ASIC2: variants seen among roughly 807,000 people sequenced by gnomAD.
The protein encoded by ASIC2 is acid sensing ion channel subunit 2.
ASIC2 carries 25 observed loss-of-function variants against 57.3 expected under a neutral mutation model. That is an observed-to-expected ratio of 0.44 (90% CI 0.32 to 0.61). The LOEUF (loss-of-function observed/expected upper bound fraction) is 0.61, where lower values mean the gene tolerates loss of function less well. Ranked by LOEUF, ASIC2 falls within the 20% of genes least tolerant of loss-of-function variation. The probability of loss-of-function intolerance (pLI) is 0.06; values close to 1 mark genes in which losing one functional copy is unlikely to be tolerated. For synonymous variants in ASIC2, 319 were observed against 307.5 expected (o/e 1.04, Z -0.39); for missense variants, 641 against 738.1 (o/e 0.87, Z 1.52).
chr17:33,489,531 C>G (rs1425334081), intron 1 of ASIC2, among the ~76,000 whole-genome samples: 2 of 152,320 alleles, frequency 1.3e-5, no homozygotes, highest in South Asian at 2.1e-4. Context: ...CCAGCCCCCA[C>G]CCAAGTCAGC....
intron 1 of ASIC2, among the ~76,000 whole-genome samples, chr17:33,873,113 T>A (rs1201266031): frequency 6.6e-6 from 1 of 152,210 alleles, no homozygotes; most frequent in African/African-American, 2.4e-5. Flanking sequence ...CTCTGCCTCA[T>A]CTTTCAGAGT....
At chr17:33,939,867 G>A (rs950310254) in intron 1 of ASIC2, among the ~76,000 whole-genome samples, 1 of 152,156 alleles carries the variant, frequency 6.6e-6, no homozygotes, top group African/African-American at 2.4e-5. Context: ...TTGTAAATAG[G>A]GCATTTGGGA....
At chr17:33,579,703 G>T (rs545528984) in intron 1 of ASIC2, among the ~76,000 whole-genome samples, 41 of 152,142 alleles carry the variant, frequency 2.7e-4, no homozygotes, top group Admixed American at 2.7e-3. Flanking sequence ...GACCTTCGCA[G>T]CCAGCGTTAC....
intron 1 of ASIC2, among the ~76,000 whole-genome samples, chr17:33,774,368 G>A (rs1023044175): frequency 3.3e-5 from 5 of 152,176 alleles, no homozygotes; most frequent in South Asian, 2.1e-4. Flanking sequence ...CTGAGGTCAT[G>A]TCTAGGCTCA....
At chr17:33,672,363 G>A (rs553876253) in intron 1 of ASIC2, among the ~76,000 whole-genome samples, 2 of 144,736 alleles carry the variant, frequency 1.4e-5, no homozygotes, top group Admixed American at 6.8e-5. Flanking sequence ...CCACACACAA[G>A]AGCTGAAATA....
chr17:34,024,882 A>C (rs1907317663), intron 1 of ASIC2, among the ~76,000 whole-genome samples: 1 of 152,222 alleles, frequency 6.6e-6, no homozygotes, highest in African/African-American at 2.4e-5. Flanking sequence ...TGAATGGTGT[A>C]AATGAGGCTG....
intron 1 of ASIC2, among the ~76,000 whole-genome samples, chr17:33,750,251 A>G (rs868587539): frequency 3.3e-5 from 5 of 152,248 alleles, no homozygotes; most frequent in Middle Eastern, 3.4e-3. Context: ...GCAGAAGACT[A>G]TCCAGGACCC....
At chr17:33,238,090 G>A (rs965319241) in intron 1 of ASIC2, among the ~76,000 whole-genome samples, 11 of 152,236 alleles carry the variant, frequency 7.2e-5, no homozygotes, top group Admixed American at 6.5e-4. Flanking sequence ...AAAGGCGGCT[G>A]TTGTTTTCAT....
chr17:33,966,107 C>A (rs1054499184), intron 1 of ASIC2, among the ~76,000 whole-genome samples: 1 of 152,176 alleles, frequency 6.6e-6, no homozygotes, highest in Non-Finnish European at 1.5e-5. Flanking sequence ...AGCAAATTAC[C>A]CACAATGAAC....
intron 1 of ASIC2, among the ~76,000 whole-genome samples, chr17:33,591,565 C>G (rs990612936): frequency 2.6e-5 from 4 of 152,152 alleles, no homozygotes; most frequent in African/African-American, 9.7e-5. Context: ...CTGGGCCATC[C>G]CCCCAGCTGC....
At chr17:33,817,267 G>C (rs1912611587) in intron 1 of ASIC2, among the ~76,000 whole-genome samples, 1 of 152,240 alleles carries the variant, frequency 6.6e-6, no homozygotes, top group African/African-American at 2.4e-5. Flanking sequence ...ACGTGCTTTT[G>C]ATGCTAGGTT....
chr17:33,528,748 T>C (rs528990218), intron 1 of ASIC2, among the ~76,000 whole-genome samples: 5 of 152,234 alleles, frequency 3.3e-5, no homozygotes, highest in Non-Finnish European at 7.3e-5. Flanking sequence ...CTCTTACTAT[T>C]AGAAACCATT....
intron 1 of ASIC2, among the ~76,000 whole-genome samples, chr17:33,412,783 G>A (rs1597719319): frequency 1.3e-5 from 2 of 152,256 alleles, no homozygotes; most frequent in East Asian, 3.9e-4. Context: ...CCCTATGATA[G>A]GTCCAAGGCC....
At chr17:33,101,152 T>A (rs2092210667) in intron 2 of ASIC2, among the ~76,000 whole-genome samples, 1 of 152,072 alleles carries the variant, frequency 6.6e-6, no homozygotes, top group Non-Finnish European at 1.5e-5. Flanking sequence ...TCTGGGGAGC[T>A]CCTTAGGACC....
intron 1 of ASIC2, among the ~76,000 whole-genome samples, chr17:33,350,776 T>A (rs1395171900): frequency 6.6e-6 from 1 of 151,422 alleles, no homozygotes; most frequent in African/African-American, 2.4e-5. Context: ...CTTCTATGAG[T>A]CACAGAAAAA....
At chr17:33,033,390 C>T (rs2091894023) in intron 3 of ASIC2, among the ~76,000 whole-genome samples, 1 of 152,228 alleles carries the variant, frequency 6.6e-6, no homozygotes, top group Non-Finnish European at 1.5e-5. Flanking sequence ...GGCTGCAGAC[C>T]TGGGCCTCTC....
At chr17:33,235,915 C>A (rs559380204) in intron 1 of ASIC2, among the ~76,000 whole-genome samples, 3 of 152,044 alleles carry the variant, frequency 2.0e-5, no homozygotes, top group African/African-American at 7.2e-5. Flanking sequence ...CAGCTCACTG[C>A]GACCTCCTCC....
intron 1 of ASIC2, among the ~76,000 whole-genome samples, chr17:33,964,695 C>T (rs922404177): frequency 2.0e-5 from 3 of 152,358 alleles, no homozygotes; most frequent in Non-Finnish European, 4.4e-5. Context: ...CATCTGGCCA[C>T]ATATCCCTCA....
At chr17:33,735,963 G>A (rs958940995) in intron 1 of ASIC2, among the ~76,000 whole-genome samples, 4 of 151,970 alleles carry the variant, frequency 2.6e-5, no homozygotes, top group African/African-American at 7.3e-5. Context: ...ATAAATGAAC[G>A]GCTTCAAGAT....
Sources: gnomAD v4.1 joint callset for allele counts (sites outside exome capture counted in the v4.1 genomes callset) on GRCh38, gnomAD v4.1.1 for gene constraint, MANE v1.5 for transcripts, NCBI Gene and HGNC (gene_info 2026-07-23, HGNC 2026-07-21) for gene names.